ATP10A: variants seen among roughly 807,000 people sequenced by gnomAD.
ATP10A encodes phospholipid-transporting ATPase VA.
ATP10A carries 111 observed loss-of-function variants against 147.8 expected under a neutral mutation model. That is an observed-to-expected ratio of 0.75 (90% CI 0.64 to 0.88). The LOEUF (loss-of-function observed/expected upper bound fraction) is 0.88. Among genes scored for constraint, ATP10A ranks in the 40% least tolerant of loss-of-function variants. ATP10A has a pLI of 0.00. For missense variants in ATP10A, 1,927 were observed against 1,959.0 expected (o/e 0.98, Z 0.31); for synonymous variants, 875 against 841.6 (o/e 1.04, Z -0.69).
intron 1 of ATP10A, chr15:25,841,584 C>CCA (rs113962333): frequency 4.1e-5 from 6 of 145,662 alleles, no homozygotes; most frequent in South Asian, 2.2e-4. Flanking sequence ...TGTATGTCTA[C>CCA]AAAAAAAAAA....
At chr15:25,799,332 G>A (rs940461963) in intron 1 of ATP10A, among the ~76,000 whole-genome samples, 11 of 151,952 alleles carry the variant, frequency 7.2e-5, no homozygotes, top group African/African-American at 2.2e-4. Context: ...CGTCTCTCCC[G>A]GCCTCACATT....
intron 9 of ATP10A, among the ~76,000 whole-genome samples, chr15:25,716,014 T>C (rs1901777665): frequency 6.6e-6 from 1 of 152,216 alleles, no homozygotes; most frequent in African/African-American, 2.4e-5. Flanking sequence ...ACCTTTCCTC[T>C]CTCAGGAGAA....
At chr15:25,734,070 G>A (rs543482845) in intron 3 of ATP10A, among the ~76,000 whole-genome samples, 1 of 152,308 alleles carries the variant, frequency 6.6e-6, no homozygotes, top group Admixed American at 6.5e-5. Context: ...TGCTGGGGCT[G>A]AGCGCAGGGC....
intron 1 of ATP10A, among the ~76,000 whole-genome samples, chr15:25,791,524 G>A (rs541566190): frequency 6.6e-6 from 1 of 152,044 alleles, no homozygotes; most frequent in Admixed American, 6.6e-5. Flanking sequence ...GTAGCTGGGA[G>A]TAGCTAACAT....
intron 7 of ATP10A, 148 bp from the exon 8 acceptor site, chr15:25,718,547 G>C: frequency 3.9e-6 from 3 of 773,110 alleles, no homozygotes; most frequent in South Asian, 3.4e-5. Context: ...AGCAAGGCAC[G>C]GAGAACATCC....
At chr15:25,731,215 T>A (rs1204647272) in intron 3 of ATP10A, among the ~76,000 whole-genome samples, 1 of 152,154 alleles carries the variant, frequency 6.6e-6, no homozygotes, top group Non-Finnish European at 1.5e-5. Flanking sequence ...CTCTGTGGGG[T>A]AAGAATGGTC....
At chr15:25,673,421 G>A (rs569705804), downstream of ATP10A, among the ~76,000 whole-genome samples, 12 of 152,364 alleles carry the variant, frequency 7.9e-5, no homozygotes, top group African/African-American at 2.9e-4. Flanking sequence ...AGCTGCAAAA[G>A]AGGTACATTT....
chr15:25,748,055 C>A (rs112511275), intron 2 of ATP10A, among the ~76,000 whole-genome samples: 1 of 152,006 alleles, frequency 6.6e-6, no homozygotes, highest in African/African-American at 2.4e-5. Flanking sequence ...CTCTGCCTCC[C>A]GGGTTCATGC....
intron 2 of ATP10A, among the ~76,000 whole-genome samples, chr15:25,772,393 A>G (rs1025148452): frequency 3.6e-4 from 55 of 152,066 alleles, no homozygotes; most frequent in African/African-American, 1.3e-3. Flanking sequence ...GCCCACTTTT[A>G]GCTTTAAAAC....
chr15:25,712,506 T>C (rs1441631637), intron 10 of ATP10A, among the ~76,000 whole-genome samples: 1 of 149,924 alleles, frequency 6.7e-6, no homozygotes, highest in Non-Finnish European at 1.5e-5. Flanking sequence ...CCTTATGTTG[T>C]CTTGAACCCA....
intron 16 of ATP10A, among the ~76,000 whole-genome samples, chr15:25,684,405 C>G (rs1235116544): frequency 6.6e-6 from 1 of 152,210 alleles, no homozygotes; most frequent in Non-Finnish European, 1.5e-5. Flanking sequence ...CAATGATACT[C>G]AGCCAATGCA....
At position 25,679,944 on chromosome 15, in the gene ATP10A, A is replaced by C; in HGVS notation, c.3897T>G (p.Val1299=). ...GTGCCAGCTGAAGTTGTGTGGGGAAAACCCTCCCCTGGAGGGATCTGAAAA... is the reference window on the plus strand; with the variant it reads ...GTGCCAGCTGAAGTTGTGTGGGGAACACCCTCCCCTGGAGGGATCTGAAAA... The part of the protein sequence containing the change: ...RLFFRSLQGR[V]FPTQLQLARQ... The change falls in exon 21 of 21, where the codon GTT becomes GTG. Residue 1299 remains valine (V), a synonymous_variant. Coordinates refer to ENST00000555815, the MANE Select transcript of ATP10A (RefSeq NM_024490.4). 6.2e-7 allele frequency: 1 copy of C among 1,605,590 alleles called. No homozygotes were observed. The highest frequency in any genetic ancestry group is 8.5e-7 in the Non-Finnish European group (1 of 1,174,070).
At position 25,683,436 on chromosome 15, in the gene ATP10A, T is replaced by C. The variant is rs761819497; in HGVS notation, c.3342A>G (p.Ala1114=). The change falls in exon 17 of 21, where the codon GCA becomes GCG. Residue 1114 remains alanine (A), a synonymous_variant. Transcript: ENST00000555815. ...GATACCACTGGTCAATCATGGTAGATGCAGAGAAGCCACAGAAAAACTGGA... is the reference window on the plus strand; with the variant it reads ...GATACCACTGGTCAATCATGGTAGACGCAGAGAAGCCACAGAAAAACTGGA... ...FWFQFFCGFS[A]STMIDQWYLI... 6.2e-7 allele frequency: 1 copy of C among 1,614,022 alleles called. No individual in the cohort carries two copies. The highest frequency in any genetic ancestry group is 2.2e-5 in the East Asian group (1 of 44,880).
chr15:25,770,453 T>C (rs1363812871), intron 2 of ATP10A, among the ~76,000 whole-genome samples: 1 of 152,054 alleles, frequency 6.6e-6, no homozygotes, highest in East Asian at 1.9e-4. Context: ...AGTGGCTCCT[T>C]TGCTAAATGG....
At chr15:25,847,999 T>C (rs1893103978) in intron 1 of ATP10A, among the ~76,000 whole-genome samples, 1 of 151,980 alleles carries the variant, frequency 6.6e-6, no homozygotes, top group South Asian at 2.1e-4. Context: ...GTTAAGAAGG[T>C]GGTTTCTGCC....
intron 12 of ATP10A, among the ~76,000 whole-genome samples, chr15:25,705,874 G>A (rs75599440): frequency 0.042 from 6,445 of 152,306 alleles, 176 homozygotes; most frequent in East Asian, 0.15. Context: ...GCGTGAGCAG[G>A]CTCCAGTGCA....
At chr15:25,788,995 T>C (rs1263717234) in intron 1 of ATP10A, among the ~76,000 whole-genome samples, 1 of 152,140 alleles carries the variant, frequency 6.6e-6, no homozygotes, top group Non-Finnish European at 1.5e-5. Flanking sequence ...TCTTGATCTG[T>C]CATTCAGGCT....
At chr15:25,704,425 C>T (rs925920310) in intron 12 of ATP10A, among the ~76,000 whole-genome samples, 3 of 152,204 alleles carry the variant, frequency 2.0e-5, no homozygotes, top group Non-Finnish European at 4.4e-5. Context: ...TGTATCCGAG[C>T]TGCTGAGCTA....
At chr15:25,693,921 C>T (rs1900169820) in intron 14 of ATP10A, among the ~76,000 whole-genome samples, 1 of 152,220 alleles carries the variant, frequency 6.6e-6, no homozygotes, top group African/African-American at 2.4e-5. Context: ...TGTCACAGAC[C>T]TTTTGCAGAA....
Sources: allele counts gnomAD v4.1 joint callset (sites outside exome capture counted in the v4.1 genomes callset), GRCh38; gene constraint gnomAD v4.1.1; transcripts MANE v1.5; gene names NCBI Gene and HGNC (gene_info 2026-07-23, HGNC 2026-07-21).